The following GAA variants were observed in gnomAD, a reference collection of about 807,000 sequenced individuals.
GAA encodes the protein alpha glucosidase, also known as lysosomal alpha-glucosidase.
Under a neutral mutation model 103.9 loss-of-function variants are expected in GAA, and 88 were observed. The ratio of observed to expected loss-of-function variants is 0.85; its 90% CI spans 0.71 to 1.01. The LOEUF is 1.01. Among genes scored for constraint, GAA ranks in the 50% least tolerant of loss-of-function variants. The pLI is 0.00. For missense variants in GAA, 1,350 were observed against 1,305.3 expected, an observed-to-expected ratio of 1.03 and a Z score of -0.53; for synonymous variants, 572 against 563.1, an observed-to-expected ratio of 1.02 and a Z score of -0.22.
At chr17:80,108,166 G>A in intron 5 of GAA, 124 bp from the exon 6 acceptor site, 1 of 1,543,694 alleles carries the variant, frequency 6.5e-7, no homozygotes, top group South Asian at 1.1e-5. Flanking sequence ...GCTTCCCCAG[G>A]CCACTCTGAG....
chr17:80,107,407 C>T (rs1381575684), intron 3 of GAA, 150 bp from the exon 4 acceptor site: 6 of 1,019,378 alleles, frequency 5.9e-6, no homozygotes, highest in East Asian at 2.4e-5. Flanking sequence ...GGGCTCGGCA[C>T]GGCCGCCTGT....
At chr17:80,108,944 G>C in intron 8 of GAA, 116 bp downstream of exon 8, 1 of 1,330,526 alleles carries the variant, frequency 7.5e-7, no homozygotes, top group South Asian at 1.5e-5. Flanking sequence ...TTTTCTGAGG[G>C]TCTTTGTGAT....
chr17:80,107,609 TCCACCTCGCTGC>T lies in GAA; in HGVS notation c.748_759del (p.Thr250_Pro253del). On this transcript the variant is annotated inframe_deletion, in exon 4 of 20. Transcript: ENST00000302262. ...CTTTGCGGACCAGTTCCTTCAGCTG[TCCACCTCGCTGC>T]CCTCGCAGTATATCACAGGCCTCGC... 1.2e-6 allele frequency: 2 copies of T among 1,613,238 alleles called. No homozygotes were observed. The highest frequency in any genetic ancestry group is 1.7e-6 in the Non-Finnish European group (2 of 1,179,912).
Position 80,111,964 on chromosome 17 carries a change from C to T in GAA, c.1637-19C>T, listed in dbSNP as rs1233701484. ...TGCCGGGAGGAAGCTCCCTGGAAAC[C>T]AGCCCCCGCCTCTTCCAGGGGTGGT... On this transcript the variant is annotated intron_variant, in intron 11 of 19. Coordinates refer to ENST00000302262, the MANE Select transcript of GAA (RefSeq NM_000152.5). The T allele has an allele frequency of 5.6e-6, 9 of 1,605,848 alleles. No homozygotes were observed. Among genetic ancestry groups the T allele is most frequent in the Non-Finnish European group, 7.7e-6 (9 of 1,174,306 alleles).
chr17:80,105,990 G>T, intron 3 of GAA, 96 bp downstream of exon 3: 3 of 1,463,930 alleles, frequency 2.0e-6, no homozygotes, highest in Non-Finnish European at 2.7e-6. Flanking sequence ...CACACGATGG[G>T]CAGGGCGACA....
intron 2 of GAA, among the ~76,000 whole-genome samples, 181 bp downstream of exon 2, chr17:80,105,313 A>G (rs915141885): frequency 2.6e-5 from 4 of 152,190 alleles, no homozygotes; most frequent in African/African-American, 9.7e-5. Flanking sequence ...CACCACGGTG[A>G]CAGGTACTCC....
intron 9 of GAA, among the ~76,000 whole-genome samples, 184 bp from the exon 10 acceptor site, chr17:80,110,543 C>T (rs146665370): frequency 6.6e-6 from 1 of 152,364 alleles, no homozygotes; most frequent in African/African-American, 2.4e-5. Context: ...CCCTTGGCCC[C>T]GCATCAGTGC....
Position 80,110,953 on chromosome 17 carries a change from C to G in GAA, c.1564C>G (p.Pro522Ala), listed in dbSNP as rs892129065. Residue 522 changes from proline (P) to alanine (A), a missense_variant, in exon 11 of 20, where the codon CCT becomes GCT. Physicochemically the swap from Pro to Ala is conservative, Grantham distance 27. Coordinates refer to ENST00000302262, the MANE Select transcript of GAA (RefSeq NM_000152.5). ...FDGMWIDMNEPSNFIRGSEDG... is the reference protein window; with the variant it reads ...FDGMWIDMNEASNFIRGSEDG... ...GCTTCTCTTGCAGGACATGAACGAG[C>G]CTTCCAACTTCATCAGGGGCTCTGA... 6.2e-7 allele frequency: 1 copy of G among 1,613,922 alleles called. No individual in the cohort carries two copies. The highest frequency in any genetic ancestry group is 8.5e-7 in the Non-Finnish European group (1 of 1,179,954).
intron 9 of GAA, 140 bp from the exon 10 acceptor site, chr17:80,110,587 G>A: frequency 2.9e-6 from 2 of 678,006 alleles, no homozygotes; most frequent in South Asian, 3.5e-5. Flanking sequence ...TGACCTCCAG[G>A]GTGCAGGTCT....
chr17:80,118,652 G>T lies in GAA; in HGVS notation c.2647-1G>T. The T allele has an allele frequency of 6.2e-7, 1 of 1,612,092 alleles. No homozygotes were observed. ...TTTTCATCTCTCTCTGCTCGGCCCA[G>T]AACACGATCGTGAATGAGCTGGTAC... On this transcript the variant is annotated splice_acceptor_variant, in intron 18 of 19. Coordinates refer to ENST00000302262, the MANE Select transcript of GAA (RefSeq NM_000152.5). LOFTEE classifies it high-confidence loss of function.
At chr17:80,117,320 G>A (rs2039377297) in intron 16 of GAA, among the ~76,000 whole-genome samples, 1 of 152,214 alleles carries the variant, frequency 6.6e-6, no homozygotes, top group South Asian at 2.1e-4. Context: ...GCAGACTGAG[G>A]CCTGCTTGCA....
rs2304842 is a variant in GAA at position 80,111,068 on chromosome 17, G to T, written c.1636+43G>T. 50,803 of 1,580,600 alleles carry T rather than the reference G, an allele frequency of 0.032. 2,378 individuals are homozygous for T. The highest frequency in any genetic ancestry group is 0.14 in the African/African-American group (10,660 of 74,226). ...CTACCCTGGGGACTTAATCAAATCA[G>T]AGACTCCCTTGTCTGGCCTGGGAGA... is the stretch of plus-strand genomic sequence containing the variant. On this transcript the variant is annotated intron_variant, in intron 11 of 19. Coordinates refer to ENST00000302262, the MANE Select transcript of GAA (RefSeq NM_000152.5).
intron 13 of GAA, 57 bp from the exon 14 acceptor site, chr17:80,112,818 TG>T: frequency 6.3e-7 from 1 of 1,584,682 alleles, no homozygotes; most frequent in Non-Finnish European, 8.6e-7. Flanking sequence ...CTGGGTCACT[TG>T]GCCTGAGCTG....
chr17:80,105,014 C>T lies in GAA; in HGVS notation c.428C>T (p.Ser143Phe). The change falls in exon 2 of 20, where the codon TCC (serine) becomes TTC (phenylalanine). Residue 143 changes from serine to phenylalanine, a missense_variant. Coordinates refer to ENST00000302262, the MANE Select transcript of GAA (RefSeq NM_000152.5). Reference sequence around the variant, plus strand: ...AGCTACAAGCTGGAGAACCTGAGCTCCTCTGAAATGGGCTACACGGCCACC... The same window carrying T: ...AGCTACAAGCTGGAGAACCTGAGCTTCTCTGAAATGGGCTACACGGCCACC... ...YPSYKLENLS[S>F]SEMGYTATLT... 1.2e-6 allele frequency: 2 copies of T among 1,612,964 alleles called. No individual in the cohort carries two copies. Among genetic ancestry groups the T allele is most frequent in the Non-Finnish European group, 1.7e-6 (2 of 1,180,026 alleles).
At chr17:80,103,408 G>A (rs1286780527) in intron 1 of GAA, among the ~76,000 whole-genome samples, 1 of 152,086 alleles carries the variant, frequency 6.6e-6, no homozygotes, top group Non-Finnish European at 1.5e-5. Flanking sequence ...GCCTAGGTGC[G>A]GTGGCTCTCC....
chr17:80,112,791 A>C (rs2143890719), intron 13 of GAA, 80 bp downstream of exon 13: 2 of 1,574,966 alleles, frequency 1.3e-6, no homozygotes, highest in South Asian at 2.3e-5. Context: ...CCCCCCACCC[A>C]CTTAGCAGGT....
At chr17:80,105,527 A>C (rs2039061719) in intron 2 of GAA, among the ~76,000 whole-genome samples, 1 of 152,208 alleles carries the variant, frequency 6.6e-6, no homozygotes, top group Non-Finnish European at 1.5e-5. Flanking sequence ...TCTGAAATTC[A>C]GAGTTATCAG....
intron 15 of GAA, 146 bp from the exon 16 acceptor site, chr17:80,116,822 G>T: frequency 2.4e-6 from 2 of 832,192 alleles, no homozygotes; most frequent in South Asian, 2.9e-5. Context: ...ATCCCTGCCC[G>T]TCTGACCTGA....
rs1598570529 is a variant in GAA at position 80,105,052 on chromosome 17, A to T, written c.466A>T (p.Thr156Ser). 1.2e-6 allele frequency: 2 copies of T among 1,612,240 alleles called. No individual in the cohort carries two copies. Among genetic ancestry groups the T allele is most frequent in the South Asian group, 1.1e-5 (1 of 91,046 alleles). ...MGYTATLTRT[T>S]PTFFPKDILT... Reference sequence around the variant, plus strand: ...CTACACGGCCACCCTGACCCGTACCACCCCCACCTTCTTCCCCAAGGACAT... The same window carrying T: ...CTACACGGCCACCCTGACCCGTACCTCCCCCACCTTCTTCCCCAAGGACAT... The change falls in exon 2 of 20, where the codon ACC becomes TCC. Residue 156 changes from threonine to serine, a missense_variant. By Grantham distance (58) the Thr-to-Ser change is moderately conservative. Coordinates refer to ENST00000302262, the MANE Select transcript of GAA (RefSeq NM_000152.5).
Sources: allele counts gnomAD v4.1 joint callset (sites outside exome capture counted in the v4.1 genomes callset), GRCh38; gene constraint gnomAD v4.1.1; transcripts MANE v1.5; gene names NCBI Gene and HGNC (gene_info 2026-07-23, HGNC 2026-07-21).